The following TOX2 variants were observed in gnomAD, a reference collection of about 807,000 sequenced individuals.
The protein encoded by TOX2 is granulosa cell HMG box 1.
TOX2 carries 15 observed loss-of-function variants against 47.4 expected under a neutral mutation model. That is an observed-to-expected ratio of 0.32 (90% CI 0.21 to 0.49). The LOEUF (loss-of-function observed/expected upper bound fraction) is 0.49, where lower values mean the gene tolerates loss of function less well. Ranked by LOEUF, TOX2 falls within the 20% of genes least tolerant of loss-of-function variation. The probability of loss-of-function intolerance (pLI) is 0.99; values close to 1 mark genes in which losing one functional copy is unlikely to be tolerated. For missense variants in TOX2, 622 were observed against 673.1 expected, an observed-to-expected ratio of 0.92 and a Z score of 0.84; for synonymous variants, 290 against 296.6, an observed-to-expected ratio of 0.98 and a Z score of 0.23.
chr20:43,971,308 T>C (rs1416865796), intron 1 of TOX2, among the ~76,000 whole-genome samples: 5 of 152,258 alleles, frequency 3.3e-5, no homozygotes, highest in African/African-American at 1.2e-4. Context: ...ATAGTAAATA[T>C]AGAGAATGCT....
intron 1 of TOX2, among the ~76,000 whole-genome samples, chr20:43,932,783 C>CCCA (rs11283632): frequency 4.0e-5 from 6 of 148,974 alleles, no homozygotes; most frequent in South Asian, 2.1e-4. Context: ...TGCCCCCCCC[C>CCCA]GCCATTTCTG....
At chr20:43,986,617 C>T (rs186345630) in intron 2 of TOX2, among the ~76,000 whole-genome samples, 28 of 152,168 alleles carry the variant, frequency 1.8e-4, no homozygotes, top group East Asian at 7.7e-4. Flanking sequence ...CCCACCGAAA[C>T]GGAGAATATG....
chr20:44,008,229 T>G (rs6065685), intron 3 of TOX2, among the ~76,000 whole-genome samples: 1 of 151,544 alleles, frequency 6.6e-6, no homozygotes. Context: ...ATCATAAGGG[T>G]CCTGAATCCC....
chr20:44,063,111 G>A (rs2071748941), intron 5 of TOX2, among the ~76,000 whole-genome samples: 1 of 152,140 alleles, frequency 6.6e-6, no homozygotes, highest in Non-Finnish European at 1.5e-5. Context: ...GAACCCAAAA[G>A]CAAATGCAAC....
intron 2 of TOX2, among the ~76,000 whole-genome samples, chr20:43,988,796 C>T (rs2070316620): frequency 6.6e-6 from 1 of 152,168 alleles, no homozygotes; most frequent in Admixed American, 6.5e-5. Context: ...TAGGCACATA[C>T]AGGGATATAC....
intron 2 of TOX2, among the ~76,000 whole-genome samples, chr20:43,979,980 A>C (rs887898109): frequency 6.6e-6 from 1 of 152,222 alleles, no homozygotes; most frequent in Non-Finnish European, 1.5e-5. Flanking sequence ...GTTCCTCAAA[A>C]AACTAAAAAT....
rs1392947380 is a variant in TOX2 at position 43,942,514 on chromosome 20, C to CA, written c.99+27531dup. 2.0e-5 allele frequency among the ~76,000 whole-genome samples: 3 copies of CA among 151,880 alleles called. No homozygotes were observed. The East Asian group carries it at 5.8e-4, about 29-fold the overall frequency. On this transcript the variant is annotated intron_variant, in intron 1 of 8. Coordinates refer to ENST00000341197, the MANE Select transcript of TOX2 (RefSeq NM_001098797.2). ...GCAACATAGTGAGACCCTATTTTTA[C>CA]AAAAAAAGAAAAAACACAAAAATTA... is the stretch of plus-strand genomic sequence containing the variant.
intron 1 of TOX2, among the ~76,000 whole-genome samples, chr20:43,946,786 G>T (rs2069480049): frequency 6.6e-6 from 1 of 152,152 alleles, no homozygotes; most frequent in Non-Finnish European, 1.5e-5. Flanking sequence ...AGCTGTGCCT[G>T]GGAGGCTATC....
chr20:43,986,293 A>AT (rs895185445), intron 2 of TOX2, among the ~76,000 whole-genome samples: 2 of 151,284 alleles, frequency 1.3e-5, no homozygotes, highest in African/African-American at 4.9e-5. Context: ...GTATGTGTGT[A>AT]TTTTTTGAGA....
At chr20:43,945,876 G>C in intron 1 of TOX2, 1 of 1,606,876 alleles carries the variant, frequency 6.2e-7, no homozygotes, top group Middle Eastern at 1.7e-4. Context: ...TATAAAGCTT[G>C]CTATTTCTGG....
At chr20:44,013,107 C>T (rs1296301819) in intron 3 of TOX2, among the ~76,000 whole-genome samples, 1 of 152,124 alleles carries the variant, frequency 6.6e-6, no homozygotes, top group Non-Finnish European at 1.5e-5. Flanking sequence ...GGAGTGGGGA[C>T]TTGATCCTGG....
rs569240976 is a variant in TOX2 at position 44,009,418 on chromosome 20, A to G, written c.411+2626A>G. On this transcript the variant is annotated intron_variant, in intron 3 of 8. Coordinates refer to ENST00000341197, the MANE Select transcript of TOX2 (RefSeq NM_001098797.2). Reference sequence around the variant, plus strand: ...TGGTTCTCACGAAAGAGTTCAATGAAAATGGATGCTCCGTTTCTCCAGAAA... The same window carrying G: ...TGGTTCTCACGAAAGAGTTCAATGAGAATGGATGCTCCGTTTCTCCAGAAA... Among the ~76,000 whole-genome samples the G allele has an allele frequency of 2.6e-5, 4 of 152,320 alleles. No individual in the cohort carries two copies. The South Asian group carries it at 8.3e-4, about 32-fold the overall frequency.
intron 1 of TOX2, among the ~76,000 whole-genome samples, chr20:43,967,531 C>A (rs376509495): frequency 8.5e-4 from 130 of 152,132 alleles, no homozygotes; most frequent in African/African-American, 3.0e-3. Context: ...CTCACCCATC[C>A]ATGTTCATCT....
chr20:43,969,021 T>C (rs181778058), intron 1 of TOX2, among the ~76,000 whole-genome samples: 11 of 152,364 alleles, frequency 7.2e-5, no homozygotes, highest in Admixed American at 6.5e-4. Flanking sequence ...TGTGTTCACA[T>C]TTGTGTGAGT....
At chr20:43,951,707 G>GTTTGTTTTTTTTTTT (rs2069571364) in intron 1 of TOX2, among the ~76,000 whole-genome samples, 1 of 55,098 alleles carries the variant, frequency 1.8e-5, no homozygotes, top group Non-Finnish European at 3.9e-5. Context: ...AACTTATTAT[G>GTTTGTTTTTTTTTTT]TTTTTTTTTT....
In TOX2 at chr20:44,069,602, C is replaced by T. The variant is rs1411782394; in HGVS notation, c.*916C>T. The T allele has an allele frequency of 6.5e-6, 1 of 152,706 alleles. No individual in the cohort carries two copies. The highest frequency in any genetic ancestry group is 1.5e-5 in the Non-Finnish European group (1 of 68,102). 9.5% of individuals were successfully genotyped at this position (152,706 alleles called of 1,614,324 possible). ...CTCAAATCTCTTTATAATAAAACTT[C>T]TGAAAAGCTGAAAACAAGTCTGTGT... On this transcript the variant is annotated 3_prime_UTR_variant, in exon 9 of 9. Transcript: ENST00000341197.
chr20:44,066,971 C>G, intron 8 of TOX2, 114 bp downstream of exon 8: 3 of 1,433,572 alleles, frequency 2.1e-6, no homozygotes, highest in Non-Finnish European at 2.8e-6. Context: ...ACCCTGCAGT[C>G]ACTGTCAGCC....
chr20:43,971,905 A>G (rs1034282490), intron 1 of TOX2, among the ~76,000 whole-genome samples: 7 of 152,228 alleles, frequency 4.6e-5, no homozygotes, highest in African/African-American at 7.2e-5. Context: ...GAAATGATAT[A>G]AAAAAGCTGG....
intron 5 of TOX2, among the ~76,000 whole-genome samples, chr20:44,060,794 T>C (rs7263419): frequency 0.02 from 3,002 of 152,222 alleles, 34 homozygotes; most frequent in Middle Eastern, 0.054. Context: ...ATTAAATGCC[T>C]ACATCAAAAA....
Sources: allele counts gnomAD v4.1 joint callset (sites outside exome capture counted in the v4.1 genomes callset), GRCh38; gene constraint gnomAD v4.1.1; transcripts MANE v1.5; gene names NCBI Gene and HGNC (gene_info 2026-07-23, HGNC 2026-07-21).